Variants in CAST observed in about 807,000 individuals in gnomAD.
The protein encoded by CAST is MIR583 host.
Under a neutral mutation model 119.6 loss-of-function variants are expected in CAST, and 76 were observed. The observed-to-expected ratio is 0.64, with a 90% CI of 0.53 to 0.77. The LOEUF (loss-of-function observed/expected upper bound fraction) is 0.77. Ranked by LOEUF, CAST falls within the 30% of genes least tolerant of loss-of-function variation. The pLI is 0.00. For synonymous variants in CAST, 319 were observed against 331.6 expected, an observed-to-expected ratio of 0.96 and a Z score of 0.41; for missense variants, 953 against 946.5, an observed-to-expected ratio of 1.01 and a Z score of -0.09.
chr5:96,025,171 AG>A, the CAST span, among the ~76,000 whole-genome samples: 2 of 152,066 alleles, frequency 1.3e-5, no homozygotes, highest in East Asian at 3.9e-4. Flanking sequence ...ACCGTAGGCT[AG>A]GGGGGTTTAA....
At chr5:96,150,054 G>A in the CAST span, among the ~76,000 whole-genome samples, 9 of 152,244 alleles carry the variant, frequency 5.9e-5, no homozygotes, top group African/African-American at 9.6e-5. Flanking sequence ...CCCACTGGGA[G>A]TTTATGCAGG....
chr5:96,665,214 C>T (rs527436123), intron 1 of CAST, among the ~76,000 whole-genome samples: 106 of 152,158 alleles, frequency 7.0e-4, no homozygotes, highest in Non-Finnish European at 1.4e-3. Context: ...ATGTGAGCCA[C>T]GTCTGCAATT....
chr5:96,420,825 T>C, the CAST span, among the ~76,000 whole-genome samples: 3 of 151,864 alleles, frequency 2.0e-5, no homozygotes, highest in African/African-American at 4.8e-5. Flanking sequence ...GACAGACTTG[T>C]CTGACCCAAG....
chr5:96,526,630 G>A (rs1027091762), upstream of CAST, among the ~76,000 whole-genome samples: 1 of 152,116 alleles, frequency 6.6e-6, no homozygotes, highest in African/African-American at 2.4e-5. Flanking sequence ...AACATGTTCT[G>A]AACCCATTCA....
In CAST at chr5:96,642,280, T is replaced by G. The variant is rs1747959608; in HGVS notation, c.61-33259T>G. ...TCATTTCAATCTTATTCACAGAACT[T>G]GAGATAATGCATGGTACATAATATG... is the stretch of plus-strand genomic sequence containing the variant. On this transcript the variant is annotated intron_variant, in intron 1 of 11. Transcript: ENST00000505143. Among the ~76,000 whole-genome samples, 5 of 152,088 alleles carry G rather than the reference T, an allele frequency of 3.3e-5. No homozygotes were observed. The South Asian group carries it at 1.0e-3, about 32-fold the overall frequency.
the CAST span, among the ~76,000 whole-genome samples, chr5:96,509,793 C>G: frequency 1.3e-5 from 2 of 152,302 alleles, no homozygotes; most frequent in Admixed American, 1.3e-4. Flanking sequence ...AGAAATTTCT[C>G]TGTATGTATT....
At chr5:96,400,245 C>T in the CAST span, 211 of 1,130,940 alleles carry the variant, frequency 1.9e-4, 1 homozygote, top group African/African-American at 2.5e-3. Flanking sequence ...CTTGCAAAAG[C>T]AAGTGCTAAC....
At chr5:96,056,379 A>G in the CAST span, among the ~76,000 whole-genome samples, 29 of 152,132 alleles carry the variant, frequency 1.9e-4, no homozygotes, top group Non-Finnish European at 3.1e-4. Flanking sequence ...CCTTTGGGCT[A>G]TAAGAATGTT....
intron 1 of CAST, among the ~76,000 whole-genome samples, chr5:96,640,936 T>A (rs1248169826): frequency 3.3e-5 from 5 of 152,182 alleles, no homozygotes; most frequent in Non-Finnish European, 7.3e-5. Flanking sequence ...CCGGATGGCT[T>A]ATCATGTCCA....
chr5:96,220,949 T>C, the CAST span, among the ~76,000 whole-genome samples: 2 of 152,196 alleles, frequency 1.3e-5, no homozygotes, highest in African/African-American at 4.8e-5. Context: ...AGTGCCATTA[T>C]TTGTAATTGT....
rs749678312 is a variant in CAST at position 96,757,655 on chromosome 5, G to A, written c.1833+1G>A. ...TGGTCCACAAAATGCTTCATCTCTT[G>A]TAAGTCCAAAACTCTTGGTTTTATT... On this transcript the variant is annotated splice_donor_variant, in intron 24 of 31. Coordinates refer to ENST00000675179, the MANE Select transcript of CAST (RefSeq NM_001750.7). LOFTEE classifies it high-confidence loss of function. The A allele has an allele frequency of 4.5e-6, 7 of 1,567,568 alleles. No homozygotes were observed. The highest frequency in any genetic ancestry group is 2.2e-5 in the East Asian group (1 of 44,602).
chr5:96,240,735 CT>C, the CAST span, among the ~76,000 whole-genome samples: 15,129 of 102,372 alleles, frequency 0.15, 959 homozygotes, highest in African/African-American at 0.25. Flanking sequence ...AGCTAACTTT[CT>C]TTTTTTTTTT....
upstream of CAST, among the ~76,000 whole-genome samples, chr5:96,528,452 C>A (rs936104986): frequency 2.0e-5 from 3 of 152,096 alleles, no homozygotes; most frequent in African/African-American, 7.2e-5. Context: ...CCCCTAGGAC[C>A]AGAAGAAGGC....
At chr5:96,463,462 A>G in the CAST span, among the ~76,000 whole-genome samples, 1 of 152,080 alleles carries the variant, frequency 6.6e-6, no homozygotes, top group African/African-American at 2.4e-5. Context: ...CAGGGAAAAC[A>G]CAGGTCCTTC....
At chr5:96,760,320 GAAAC>G (rs1581341186) in intron 24 of CAST, among the ~76,000 whole-genome samples, 1 of 151,838 alleles carries the variant, frequency 6.6e-6, no homozygotes, top group African/African-American at 2.4e-5. Context: ...ATATCAAATA[GAAAC>G]AAATAATCAT....
At chr5:96,166,594 T>C in the CAST span, among the ~76,000 whole-genome samples, 340 of 152,324 alleles carry the variant, frequency 2.2e-3, 1 homozygote, top group Middle Eastern at 0.031. Context: ...TATAATCATA[T>C]TTAATGATTG....
the CAST span, among the ~76,000 whole-genome samples, chr5:96,283,078 C>A: frequency 6.9e-6 from 1 of 145,068 alleles, no homozygotes; most frequent in African/African-American, 2.6e-5. Flanking sequence ...TGCAGTGAGC[C>A]GAGATTGCGC....
the CAST span, among the ~76,000 whole-genome samples, chr5:96,460,344 AGG>A: frequency 6.6e-6 from 1 of 152,050 alleles, no homozygotes; most frequent in Non-Finnish European, 1.5e-5. Context: ...ACTCAAATAC[AGG>A]GAGGGGAACA....
chr5:96,427,565 T>G, the CAST span, among the ~76,000 whole-genome samples: 7 of 152,166 alleles, frequency 4.6e-5, no homozygotes, highest in Non-Finnish European at 1.0e-4. Flanking sequence ...ATTCTTAGCA[T>G]TTTTTCATAA....
Sources: gnomAD v4.1 joint callset for allele counts (sites outside exome capture counted in the v4.1 genomes callset) on GRCh38, gnomAD v4.1.1 for gene constraint, MANE v1.5 for transcripts, NCBI Gene and HGNC (gene_info 2026-07-23, HGNC 2026-07-21) for gene names.